Variants in TBC1D19 observed in about 807,000 individuals in gnomAD.
TBC1D19 encodes the protein TBC1 domain family, member 19.
TBC1D19 carries 60 observed loss-of-function variants against 89.0 expected under a neutral mutation model. That is an observed-to-expected ratio of 0.67 (90% CI 0.55 to 0.84). The LOEUF is 0.84. Ranked by LOEUF, TBC1D19 falls within the 40% of genes least tolerant of loss-of-function variation. The pLI is 0.00. For missense variants in TBC1D19, 500 were observed against 610.8 expected, an observed-to-expected ratio of 0.82 and a Z score of 1.91; for synonymous variants, 189 against 199.7, an observed-to-expected ratio of 0.95 and a Z score of 0.45.
At chr4:26,636,787 T>C (rs1224247608) in intron 4 of TBC1D19, among the ~76,000 whole-genome samples, 1 of 152,068 alleles carries the variant, frequency 6.6e-6, no homozygotes, top group African/African-American at 2.4e-5. Flanking sequence ...TTTGGAAAAA[T>C]TACAATGTAA....
downstream of TBC1D19, among the ~76,000 whole-genome samples, chr4:26,761,059 G>T (rs1246781863): frequency 6.6e-6 from 1 of 152,122 alleles, no homozygotes; most frequent in Non-Finnish European, 1.5e-5. Flanking sequence ...TTCTGTTCAT[G>T]AATTTTTGTC....
the TBC1D19 span, among the ~76,000 whole-genome samples, chr4:26,795,434 C>T: frequency 1.3e-5 from 2 of 152,190 alleles, no homozygotes; most frequent in Non-Finnish European, 1.5e-5. Flanking sequence ...TACTCACTTA[C>T]TGTCTATCTG....
At chr4:26,856,381 T>A in the TBC1D19 span, among the ~76,000 whole-genome samples, 12 of 152,332 alleles carry the variant, frequency 7.9e-5, no homozygotes, top group African/African-American at 2.9e-4. Flanking sequence ...CATCTGTTGA[T>A]GGACATTTAG....
chr4:26,670,442 A>C (rs1401266203), intron 9 of TBC1D19, among the ~76,000 whole-genome samples: 13 of 151,744 alleles, frequency 8.6e-5, no homozygotes, highest in African/African-American at 3.1e-4. Context: ...TGTACCACAC[A>C]TACATTAATC....
intron 1 of TBC1D19, among the ~76,000 whole-genome samples, chr4:26,591,724 A>G (rs960448472): frequency 5.9e-5 from 9 of 152,348 alleles, no homozygotes; most frequent in Middle Eastern, 6.8e-3. Context: ...ACGCAAATAA[A>G]CTAGAAAATC....
At chr4:26,848,196 C>T in the TBC1D19 span, among the ~76,000 whole-genome samples, 74 of 152,262 alleles carry the variant, frequency 4.9e-4, no homozygotes, top group African/African-American at 1.7e-3. Context: ...CCAATCTGTC[C>T]AGGGTCTGAA....
intron 13 of TBC1D19, among the ~76,000 whole-genome samples, chr4:26,710,667 A>ATT (rs1408830728): frequency 9.9e-5 from 15 of 150,804 alleles, no homozygotes; most frequent in East Asian, 3.9e-4. Flanking sequence ...AACTGTTCCT[A>ATT]TCTCCACATC....
intron 7 of TBC1D19, among the ~76,000 whole-genome samples, chr4:26,649,199 T>G (rs1744160501): frequency 6.6e-6 from 1 of 152,134 alleles, no homozygotes; most frequent in Non-Finnish European, 1.5e-5. Context: ...ATATAGTGTT[T>G]GCAATTTTAG....
the TBC1D19 span, among the ~76,000 whole-genome samples, chr4:26,768,962 C>A: frequency 6.6e-6 from 1 of 151,648 alleles, no homozygotes. Context: ...AGAAGATCAA[C>A]AAGCCCCAAG....
the TBC1D19 span, among the ~76,000 whole-genome samples, chr4:26,846,484 A>G: frequency 2.6e-5 from 4 of 152,156 alleles, no homozygotes; most frequent in African/African-American, 9.7e-5. Context: ...GCTTTTTCAA[A>G]TCTAAAAAAT....
At chr4:26,651,260 G>T (rs1427972605) in intron 7 of TBC1D19, among the ~76,000 whole-genome samples, 7 of 152,268 alleles carry the variant, frequency 4.6e-5, no homozygotes, top group South Asian at 2.1e-4. Context: ...AAGAAAGTCA[G>T]TGGTAGCTTG....
the TBC1D19 span, among the ~76,000 whole-genome samples, chr4:26,794,257 A>T: frequency 1.3e-5 from 2 of 152,188 alleles, no homozygotes; most frequent in African/African-American, 4.8e-5. Flanking sequence ...ATTCTTTCAA[A>T]CTTGAAATTA....
chr4:26,629,477 C>G (rs1185024331), intron 4 of TBC1D19, among the ~76,000 whole-genome samples: 1 of 151,908 alleles, frequency 6.6e-6, no homozygotes, highest in African/African-American at 2.4e-5. Context: ...GGCACAGTCC[C>G]CAGCCCGTGG....
intron 1 of TBC1D19, among the ~76,000 whole-genome samples, chr4:26,598,172 A>G (rs1418365086): frequency 6.6e-6 from 1 of 152,222 alleles, no homozygotes; most frequent in African/African-American, 2.4e-5. Flanking sequence ...TGATAGTATT[A>G]CAAATAAGTA....
intron 13 of TBC1D19, among the ~76,000 whole-genome samples, chr4:26,700,027 A>C (rs1223682701): frequency 6.6e-6 from 1 of 152,032 alleles, no homozygotes; most frequent in Non-Finnish European, 1.5e-5. Context: ...ATAAAAAAGA[A>C]ATTAAAAGGG....
intron 4 of TBC1D19, among the ~76,000 whole-genome samples, chr4:26,636,573 T>C (rs1252796661): frequency 1.3e-5 from 2 of 150,546 alleles, no homozygotes; most frequent in African/African-American, 2.4e-5. Flanking sequence ...TGAAATGTAA[T>C]GCATGAATTT....
At chr4:26,823,119 C>T in the TBC1D19 span, among the ~76,000 whole-genome samples, 1 of 152,192 alleles carries the variant, frequency 6.6e-6, no homozygotes, top group Admixed American at 6.5e-5. Flanking sequence ...ACAATCATGG[C>T]AGAAGGCAAG....
chr4:26,647,384 C>T (rs1429602781), intron 7 of TBC1D19, among the ~76,000 whole-genome samples: 1 of 152,148 alleles, frequency 6.6e-6, no homozygotes, highest in African/African-American at 2.4e-5. Context: ...CACTCTTTCT[C>T]TTGGACTTCA....
intron 1 of TBC1D19, among the ~76,000 whole-genome samples, chr4:26,601,779 CTT>C (rs1441950568): frequency 6.6e-6 from 1 of 152,138 alleles, no homozygotes; most frequent in Non-Finnish European, 1.5e-5. Flanking sequence ...ACCTTCTACT[CTT>C]TTTGATTCTT....
Sources: gnomAD v4.1 joint callset for allele counts (sites outside exome capture counted in the v4.1 genomes callset) on GRCh38, gnomAD v4.1.1 for gene constraint, MANE v1.5 for transcripts, NCBI Gene and HGNC (gene_info 2026-07-23, HGNC 2026-07-21) for gene names.